Variants in PDSS2 observed in about 807,000 individuals in gnomAD.
PDSS2 encodes decaprenyl diphosphate synthase subunit 2, also known as all trans-polyprenyl-diphosphate synthase PDSS2.
A neutral mutation model predicts 44.5 loss-of-function variants in PDSS2; 31 were observed. The observed-to-expected ratio is 0.70, with a 90% CI of 0.52 to 0.94. PDSS2 has a LOEUF of 0.94. Ranked by LOEUF, PDSS2 falls within the 40% of genes least tolerant of loss-of-function variation. PDSS2 has a pLI of 0.00. For synonymous variants in PDSS2, 157 were observed against 180.3 expected (o/e 0.87, Z 1.03); for missense variants, 452 against 482.2 (o/e 0.94, Z 0.59).
intron 6 of PDSS2, among the ~76,000 whole-genome samples, chr6:107,202,737 A>T (rs886794226): frequency 6.6e-6 from 1 of 152,052 alleles, no homozygotes; most frequent in African/African-American, 2.4e-5. Context: ...TGGGAAAGCT[A>T]ATCGACTTTT....
intron 6 of PDSS2, among the ~76,000 whole-genome samples, chr6:107,206,765 T>G (rs1171633285): frequency 6.6e-6 from 1 of 152,188 alleles, no homozygotes; most frequent in Non-Finnish European, 1.5e-5. Context: ...CTGGGCTGCA[T>G]GCAGCTCATA....
intron 4 of PDSS2, among the ~76,000 whole-genome samples, chr6:107,231,090 C>T (rs1774034737): frequency 6.6e-6 from 1 of 152,062 alleles, no homozygotes; most frequent in Non-Finnish European, 1.5e-5. Flanking sequence ...AATGGCTAAA[C>T]TGGGCTGTTT....
chr6:107,346,014 A>G (rs61637861), intron 1 of PDSS2, among the ~76,000 whole-genome samples: 1,725 of 152,340 alleles, frequency 0.011, 31 homozygotes, highest in African/African-American at 0.037. Context: ...GACCTTACAG[A>G]TATTTAAAAT....
intron 7 of PDSS2, among the ~76,000 whole-genome samples, chr6:107,190,936 G>A (rs1057029515): frequency 6.6e-5 from 10 of 152,084 alleles, no homozygotes; most frequent in Non-Finnish European, 1.5e-4. Context: ...CTGTCGCCCA[G>A]GCTGGAGTGC....
rs113231460 is a variant in PDSS2, at chr6:107,326,669, C to T, written c.431+7529G>A. On this transcript the variant is annotated intron_variant, in intron 2 of 7. Coordinates refer to ENST00000369037, the MANE Select transcript of PDSS2 (RefSeq NM_020381.4). ...GAGTTCAATACCACCCTGGCCAACA[C>T]GGTGAAACCCTGTCTCTACTAAAAA... 4.0e-5 allele frequency among the ~76,000 whole-genome samples: 6 copies of T among 151,464 alleles called. No individual in the cohort carries two copies. In the East Asian group the frequency reaches 6.0e-4, roughly 15 times the overall value.
At chr6:107,276,672 C>T (rs1179134260) in intron 2 of PDSS2, among the ~76,000 whole-genome samples, 1 of 152,128 alleles carries the variant, frequency 6.6e-6, no homozygotes, top group Non-Finnish European at 1.5e-5. Flanking sequence ...TCAGTCACAC[C>T]CTCTGATATC....
intron 7 of PDSS2, among the ~76,000 whole-genome samples, chr6:107,169,640 G>A (rs868963281): frequency 6.2e-4 from 94 of 152,118 alleles, no homozygotes; most frequent in African/African-American, 1.9e-3. Flanking sequence ...TGATGGTGAT[G>A]TACAGGTGGG....
chr6:107,177,443 T>A (rs1423567992), intron 7 of PDSS2, among the ~76,000 whole-genome samples: 5 of 152,176 alleles, frequency 3.3e-5, no homozygotes, highest in Non-Finnish European at 7.3e-5. Context: ...AGCCTGTAAT[T>A]CTTAATTTAT....
chr6:107,391,143 G>C (rs1475920160), intron 1 of PDSS2, among the ~76,000 whole-genome samples: 1 of 151,834 alleles, frequency 6.6e-6, no homozygotes, highest in Non-Finnish European at 1.5e-5. Context: ...TAGGGCCTAA[G>C]TATTTTATTC....
intron 1 of PDSS2, among the ~76,000 whole-genome samples, chr6:107,368,819 T>C (rs1447332472): frequency 6.6e-6 from 1 of 151,914 alleles, no homozygotes; most frequent in Non-Finnish European, 1.5e-5. Context: ...ATTGATAAGG[T>C]GATTATAAAT....
At chr6:107,324,835 AG>A (rs1407131669) in intron 2 of PDSS2, among the ~76,000 whole-genome samples, 1 of 152,160 alleles carries the variant, frequency 6.6e-6, no homozygotes, top group Non-Finnish European at 1.5e-5. Context: ...TCAGTCCCCA[AG>A]GGAAATACAG....
In PDSS2 at chr6:107,334,332, C is replaced by A. The variant is rs1777808144; in HGVS notation, c.297G>T (p.Arg99Ser). 10 of 1,613,306 alleles carry A rather than the reference C, an allele frequency of 6.2e-6. No homozygotes were observed. The highest frequency in any genetic ancestry group is 2.2e-5 in the East Asian group (1 of 44,858). Residue 99 changes from arginine (R) to serine (S), a missense_variant and splice_region_variant, in exon 2 of 8, where the codon AGG becomes AGT. Arg to Ser is a moderately radical substitution (Grantham distance 110). Transcript: ENST00000369037. ...GTQHPLLTTA[R>S]GLVHDSWNSL... is the part of the protein sequence containing the mutation. ...TATTCCAGCTGTCATGTACAAGCCC[C>A]CTGCCAACAAGCAAAGAAGGAAGAG...
chr6:107,286,147 A>AAAAAAAAAC (rs1776140510), intron 2 of PDSS2, among the ~76,000 whole-genome samples: 1 of 151,378 alleles, frequency 6.6e-6, no homozygotes, highest in Non-Finnish European at 1.5e-5. Context: ...AAAAAAAAAA[A>AAAAAAAAAC]AAAGGAAAGA....
At chr6:107,406,446 T>C (rs1156458287) in intron 1 of PDSS2, among the ~76,000 whole-genome samples, 2 of 152,168 alleles carry the variant, frequency 1.3e-5, no homozygotes, top group African/African-American at 2.4e-5. Context: ...GTCTAAATCA[T>C]GGTAAGATCA....
At chr6:107,278,126 CTCA>C (rs1368937700) in intron 2 of PDSS2, among the ~76,000 whole-genome samples, 1 of 151,848 alleles carries the variant, frequency 6.6e-6, no homozygotes, top group Non-Finnish European at 1.5e-5. Context: ...CAAGGAAAAT[CTCA>C]TGTCTAATTG....
intron 7 of PDSS2, among the ~76,000 whole-genome samples, chr6:107,185,289 G>A (rs1367662540): frequency 6.6e-6 from 1 of 152,124 alleles, no homozygotes; most frequent in Admixed American, 6.6e-5. Context: ...CACAGTCCTA[G>A]GCACTGGTGA....
chr6:107,322,139 G>A (rs1435086737), intron 2 of PDSS2, among the ~76,000 whole-genome samples: 1 of 152,172 alleles, frequency 6.6e-6, no homozygotes, highest in African/African-American at 2.4e-5. Flanking sequence ...GGGCTGTTAG[G>A]AATTGCCTGT....
chr6:107,399,468 T>C (rs968472936), intron 1 of PDSS2, among the ~76,000 whole-genome samples: 4 of 152,212 alleles, frequency 2.6e-5, no homozygotes, highest in Non-Finnish European at 5.9e-5. Flanking sequence ...TTCTTTAGCA[T>C]CCTTCCCACC....
Position 107,459,148 on chromosome 6 carries a change from C to T in PDSS2, c.138G>A (p.Pro46=). ...CTGACACTACCTGATTCCAGTGGGC[C>T]GGGGACTTGGAGGACCGACCACGCC... The part of the protein sequence containing the change: ...GSWRGRSSKS[P]AHWNQVVSEA... The change falls in exon 1 of 8, where the codon CCG becomes CCA. Residue 46 remains proline, a synonymous_variant. Transcript: ENST00000369037. This position sits in a 1 kb window ranked among gnomAD's most constrained non-coding sequence, Gnocchi z 4.3. 2 of 1,614,040 alleles carry T rather than the reference C, an allele frequency of 1.2e-6. No homozygotes were observed. Among genetic ancestry groups the T allele is most frequent in the South Asian group, 1.1e-5 (1 of 91,078 alleles).
Sources: gnomAD v4.1 joint callset for allele counts (sites outside exome capture counted in the v4.1 genomes callset) on GRCh38, gnomAD v4.1.1 for gene constraint, Gnocchi (gnomAD v3.1) non-coding constraint, MANE v1.5 for transcripts, NCBI Gene and HGNC (gene_info 2026-07-23, HGNC 2026-07-21) for gene names.